Variants in HIVEP1 observed in about 807,000 individuals in gnomAD.
HIVEP1 encodes HIVEP zinc finger 1, also known as zinc finger protein 40.
A neutral mutation model predicts 180.0 loss-of-function variants in HIVEP1; 36 were observed. The ratio of observed to expected loss-of-function variants is 0.20; its 90% CI spans 0.15 to 0.26. The LOEUF (loss-of-function observed/expected upper bound fraction) is 0.26. HIVEP1 is among the 10% of genes least tolerant of loss of function. The probability of loss-of-function intolerance (pLI) is 1.00; values close to 1 mark genes in which losing one functional copy is unlikely to be tolerated. For synonymous variants in HIVEP1, 1,239 were observed against 1,239.0 expected, an observed-to-expected ratio of 1.00 and a Z score of 0.00; for missense variants, 3,143 against 3,268.7, an observed-to-expected ratio of 0.96 and a Z score of 0.94.
At chr6:12,136,076 C>A (rs1758688415) in intron 7 of HIVEP1, among the ~76,000 whole-genome samples, 184 bp downstream of exon 7, 1 of 152,150 alleles carries the variant, frequency 6.6e-6, no homozygotes, top group Non-Finnish European at 1.5e-5. Flanking sequence ...TCCTATTCAT[C>A]TATCCCCCAC....
intron 2 of HIVEP1, among the ~76,000 whole-genome samples, chr6:12,016,040 C>T (rs1293496275): frequency 4.0e-5 from 6 of 151,874 alleles, no homozygotes; most frequent in Admixed American, 3.9e-4. Context: ...TTTCACTCTT[C>T]CTCCATAGTT....
In HIVEP1 at chr6:12,122,264, G is replaced by A. The variant is rs776608946; in HGVS notation, c.2469G>A (p.Val823=). 4 of 1,614,214 alleles carry A rather than the reference G, an allele frequency of 2.5e-6. No homozygotes were observed. The highest frequency in any genetic ancestry group is 2.2e-5 in the East Asian group (1 of 44,890). The change falls in exon 4 of 9, where the codon GTG becomes GTA. Residue 823 remains valine (V), a synonymous_variant. Coordinates refer to ENST00000379388, the MANE Select transcript of HIVEP1 (RefSeq NM_002114.4). ...CCCCTACTGAAAAATCAAAGCAAGT[G>A]TTTCTTCTGTCTGTACCTTCACTTG... ...PFTPTEKSKQ[V]FLLSVPSLDC...
the HIVEP1 span, among the ~76,000 whole-genome samples, chr6:12,205,210 GC>G: frequency 6.6e-6 from 1 of 152,202 alleles, no homozygotes; most frequent in Non-Finnish European, 1.5e-5. Context: ...GGTGGCTCAT[GC>G]CTGTAATCCC....
chr6:12,019,293 C>A (rs1768034404), intron 2 of HIVEP1, among the ~76,000 whole-genome samples: 1 of 152,180 alleles, frequency 6.6e-6, no homozygotes, highest in Non-Finnish European at 1.5e-5. Context: ...CACCTAGAAA[C>A]TTCCGCGCTC....
At chr6:12,128,567 A>C (rs936952917) in intron 4 of HIVEP1, among the ~76,000 whole-genome samples, 1 of 152,090 alleles carries the variant, frequency 6.6e-6, no homozygotes. Context: ...TTTACTTAAC[A>C]CTTGACCTGG....
chr6:12,037,059 G>A (rs1769321049), intron 2 of HIVEP1, among the ~76,000 whole-genome samples: 1 of 152,192 alleles, frequency 6.6e-6, no homozygotes, highest in South Asian at 2.1e-4. Context: ...TGACGTTCAA[G>A]TTTTGGAGGA....
intron 3 of HIVEP1, among the ~76,000 whole-genome samples, chr6:12,089,818 AAACT>A (rs1302131321): frequency 1.3e-5 from 2 of 152,076 alleles, no homozygotes; most frequent in Admixed American, 1.3e-4. Flanking sequence ...TTTTTTGTGA[AAACT>A]AACAAAGTCA....
At chr6:12,153,399 T>G (rs1484165720) in intron 7 of HIVEP1, among the ~76,000 whole-genome samples, 4 of 152,158 alleles carry the variant, frequency 2.6e-5, no homozygotes, top group Non-Finnish European at 5.9e-5. Flanking sequence ...GCATTTTTCA[T>G]CTTTTAAATC....
chr6:12,020,887 TTTC>T (rs1244254488), intron 2 of HIVEP1, among the ~76,000 whole-genome samples: 1 of 99,450 alleles, frequency 1.0e-5, no homozygotes, highest in African/African-American at 4.3e-5. Context: ...TCTTTCTTTC[TTTC>T]TTTTTTTTTT....
intron 7 of HIVEP1, among the ~76,000 whole-genome samples, chr6:12,144,873 G>A (rs1489478799): frequency 6.6e-6 from 1 of 152,240 alleles, no homozygotes; most frequent in Non-Finnish European, 1.5e-5. Flanking sequence ...GGAAGCAACA[G>A]ATGATGGAGA....
chr6:12,115,823 T>C (rs1775180118), intron 3 of HIVEP1, among the ~76,000 whole-genome samples: 1 of 151,810 alleles, frequency 6.6e-6, no homozygotes, highest in Admixed American at 6.6e-5. Context: ...TAGAAGCCAG[T>C]GTACTTCCTC....
intron 3 of HIVEP1, among the ~76,000 whole-genome samples, chr6:12,110,483 C>T (rs1264308104): frequency 6.6e-6 from 1 of 152,254 alleles, no homozygotes. Context: ...TGCTGCTTCA[C>T]CTTGCCCTTT....
At chr6:12,126,418 C>A (rs1046467710) in intron 4 of HIVEP1, among the ~76,000 whole-genome samples, 1 of 152,144 alleles carries the variant, frequency 6.6e-6, no homozygotes, top group Non-Finnish European at 1.5e-5. Flanking sequence ...AGAGAAGTTT[C>A]ACAAAATAAT....
chr6:12,129,762 G>A lies in HIVEP1; in HGVS notation c.6079G>A (p.Ala2027Thr), dbSNP rs749236826. The change falls in exon 5 of 9, where the codon GCA becomes ACA. Residue 2027 changes from alanine to threonine, a missense_variant. Physicochemically the swap from Ala to Thr is moderately conservative, Grantham distance 58. Around this residue, in one of 12 missense-constraint regions of HIVEP1, gnomAD observed 1,357 missense variants for 1,260.5 expected, o/e 1.08. Coordinates refer to ENST00000379388, the MANE Select transcript of HIVEP1 (RefSeq NM_002114.4). ...TTTCTCTCTTTTTTCCTTTCAGAGAGCATTAGGTAATCAAAAGTCCACAGT... is the reference window on the plus strand; with the variant it reads ...TTTCTCTCTTTTTTCCTTTCAGAGAACATTAGGTAATCAAAAGTCCACAGT... ...SKWKSSLSKR[A>T]LGNQKSTVVE... 6 of 1,600,946 alleles carry A rather than the reference G, an allele frequency of 3.7e-6. No individual in the cohort carries two copies. The South Asian group carries it at 6.6e-5, about 18-fold the overall frequency.
chr6:12,211,068 A>G, the HIVEP1 span, among the ~76,000 whole-genome samples: 1 of 151,736 alleles, frequency 6.6e-6, no homozygotes, highest in African/African-American at 2.4e-5. Context: ...GAAGCTACAT[A>G]GACTGTCTCC....
intron 2 of HIVEP1, chr6:12,038,935 G>A (rs552676401): frequency 5.4e-4 from 82 of 152,312 alleles, no homozygotes; most frequent in African/African-American, 1.7e-3. Flanking sequence ...ATCTGTCACA[G>A]ATTTGTGATG....
chr6:12,156,549 G>A (rs966120439), intron 7 of HIVEP1, among the ~76,000 whole-genome samples: 1 of 152,112 alleles, frequency 6.6e-6, no homozygotes, highest in African/African-American at 2.4e-5. Context: ...CTGGTGTGCA[G>A]TCTTATTTCT....
intron 7 of HIVEP1, among the ~76,000 whole-genome samples, chr6:12,140,371 A>G (rs1248458647): frequency 6.6e-6 from 1 of 152,222 alleles, no homozygotes; most frequent in Non-Finnish European, 1.5e-5. Flanking sequence ...TGGGTCACCA[A>G]CATCAAAGAC....
intron 2 of HIVEP1, among the ~76,000 whole-genome samples, chr6:12,052,645 G>A (rs1770614930): frequency 6.6e-6 from 1 of 152,178 alleles, no homozygotes; most frequent in African/African-American, 2.4e-5. Context: ...GCTGAGACTT[G>A]GAGAGTTGGA....
Sources: gnomAD v4.1 joint callset for allele counts (sites outside exome capture counted in the v4.1 genomes callset) on GRCh38, gnomAD v4.1.1 for gene constraint, gnomAD v4.1.1 regional missense constraint, MANE v1.5 for transcripts, NCBI Gene and HGNC (gene_info 2026-07-23, HGNC 2026-07-21) for gene names.